Variants in RYR2 observed in about 807,000 individuals in gnomAD.
RYR2 encodes the protein ryanodine receptor 2, also known as cardiac muscle ryanodine receptor-calcium release channel.
In RYR2, 227 loss-of-function variants were observed where a neutral mutation model predicts 601.1. The observed-to-expected ratio is 0.38, with a 90% CI of 0.34 to 0.42. The LOEUF (loss-of-function observed/expected upper bound fraction) is 0.42. Among genes scored for constraint, RYR2 ranks in the 10% least tolerant of loss-of-function variants. The pLI is 1.00. For missense variants in RYR2, 4,646 were observed against 6,156.5 expected (o/e 0.75, Z 8.21); for synonymous variants, 2,223 against 2,175.1 (o/e 1.02, Z -0.61).
chr1:237,610,354 G>A lies in RYR2; in HGVS notation c.4684-408G>A, dbSNP rs1214199279. Among the ~76,000 whole-genome samples the A allele has an allele frequency of 1.3e-5, 2 of 152,306 alleles. No homozygotes were observed. Among genetic ancestry groups the A allele is most frequent in the East Asian group, 3.9e-4 (2 of 5,182 alleles). On this transcript the variant is annotated intron_variant, in intron 35 of 104. Transcript: ENST00000366574. The surrounding 1 kb of genome is among the most constrained non-coding windows in gnomAD (Gnocchi z 4.9). ...TTGGGTGACAGAGAACAGATATTGA[G>A]AGAGAGAGCCAGGGGGATGTGACAT...
chr1:237,726,150 G>A (rs1169809774), intron 74 of RYR2, 123 bp from the exon 75 acceptor site: 25 of 702,526 alleles, frequency 3.6e-5, no homozygotes, highest in African/African-American at 1.7e-4. Flanking sequence ...CTAAACCACC[G>A]CAGTCCAAAC....
intron 1 of RYR2, among the ~76,000 whole-genome samples, chr1:237,234,258 AG>A (rs1685311312): frequency 6.6e-6 from 1 of 152,162 alleles, no homozygotes; most frequent in Non-Finnish European, 1.5e-5. Context: ...TTAGATAACA[AG>A]GTCATGGAAT....
intron 1 of RYR2, among the ~76,000 whole-genome samples, chr1:237,088,727 A>C (rs765504435): frequency 6.6e-6 from 1 of 152,194 alleles, no homozygotes; most frequent in Non-Finnish European, 1.5e-5. Flanking sequence ...TTTTCTACCT[A>C]CAAAATACAT....
chr1:237,701,877 T>C (rs1374877016), intron 65 of RYR2, 101 bp from the exon 66 acceptor site: 1 of 609,538 alleles, frequency 1.6e-6, no homozygotes. Context: ...TATGGATGAA[T>C]AGTATATAGC....
intron 75 of RYR2, among the ~76,000 whole-genome samples, chr1:237,726,856 A>T (rs917501603): frequency 6.6e-6 from 1 of 152,072 alleles, no homozygotes; most frequent in Non-Finnish European, 1.5e-5. Flanking sequence ...TTACTAAGGG[A>T]ATTATATAGC....
At chr1:237,358,495 T>C (rs1269700915) in intron 4 of RYR2, among the ~76,000 whole-genome samples, 1 of 151,936 alleles carries the variant, frequency 6.6e-6, no homozygotes, top group East Asian at 1.9e-4. Flanking sequence ...ATGCTGACTT[T>C]CTCTGTGGGC....
intron 44 of RYR2, among the ~76,000 whole-genome samples, chr1:237,637,476 A>G (rs1680992271): frequency 6.6e-6 from 1 of 152,220 alleles, no homozygotes; most frequent in African/African-American, 2.4e-5. Context: ...CATCTTATCA[A>G]AAATTTCCTG....
intron 58 of RYR2, among the ~76,000 whole-genome samples, chr1:237,673,105 G>A (rs1054285406): frequency 6.6e-6 from 1 of 152,172 alleles, no homozygotes; most frequent in Non-Finnish European, 1.5e-5. Flanking sequence ...ATAGGGTTAT[G>A]TTGTTACAAT....
chr1:237,409,631 C>T (rs1295257324), intron 10 of RYR2, among the ~76,000 whole-genome samples: 7 of 151,986 alleles, frequency 4.6e-5, no homozygotes, highest in Admixed American at 4.6e-4. Flanking sequence ...GAAATAACTA[C>T]TGATTTTTGA....
In RYR2 at chr1:237,638,353, G is replaced by T. The variant is rs568936247; in HGVS notation, c.6793-4G>T. On this transcript the variant is annotated splice_region_variant and splice_polypyrimidine_tract_variant and intron_variant, in intron 44 of 104. Coordinates refer to ENST00000366574, the MANE Select transcript of RYR2 (RefSeq NM_001035.3). ...TAACTCTTTGTTAATCATGTTGTTT[G>T]CAGGTAGTTCGTTATTTGGCTGGTT... 10 of 1,613,720 alleles carry T rather than the reference G, an allele frequency of 6.2e-6. No homozygotes were observed. Among genetic ancestry groups the T allele is most frequent in the East Asian group, 2.2e-5 (1 of 44,862 alleles).
chr1:237,211,151 G>A (rs1310526392), intron 1 of RYR2, among the ~76,000 whole-genome samples: 2 of 152,176 alleles, frequency 1.3e-5, no homozygotes, highest in African/African-American at 4.8e-5. Flanking sequence ...TCTTTGGTGA[G>A]ATAGGGCACA....
In RYR2 at chr1:237,491,418, T is replaced by C. The variant is rs561228080; in HGVS notation, c.1709-388T>C. Among the ~76,000 whole-genome samples, 5 of 152,264 alleles carry C rather than the reference T, an allele frequency of 3.3e-5. No individual in the cohort carries two copies. The South Asian group carries it at 8.3e-4, about 25-fold the overall frequency. ...CTCTGTACATGAGGCACACCAGATA[T>C]GCCCCACGTTCAAGACTTTACTCAT... is the stretch of plus-strand genomic sequence containing the variant. On this transcript the variant is annotated intron_variant, in intron 17 of 104. Coordinates refer to ENST00000366574, the MANE Select transcript of RYR2 (RefSeq NM_001035.3).
intron 2 of RYR2, among the ~76,000 whole-genome samples, chr1:237,282,638 T>C (rs1177816138): frequency 6.6e-6 from 1 of 152,226 alleles, no homozygotes; most frequent in African/African-American, 2.4e-5. Flanking sequence ...AGAATACTTA[T>C]GTCAGGAGCT....
intron 40 of RYR2, 47 bp from the exon 41 acceptor site, chr1:237,627,760 G>A: frequency 6.6e-7 from 1 of 1,506,610 alleles, no homozygotes; most frequent in Non-Finnish European, 8.9e-7. Context: ...CAACTGATTT[G>A]TCTTCTCTTA....
intron 8 of RYR2, among the ~76,000 whole-genome samples, chr1:237,380,915 TA>T (rs1701455777): frequency 6.6e-6 from 1 of 151,822 alleles, no homozygotes; most frequent in African/African-American, 2.4e-5. Context: ...CCGTCTCTAC[TA>T]AAAATACAAA....
chr1:237,539,804 T>C (rs2805450), intron 25 of RYR2, among the ~76,000 whole-genome samples: 52,039 of 152,034 alleles, frequency 0.34, 9,517 homozygotes, highest in East Asian at 0.48. Context: ...CGTTTACCTA[T>C]GTAACCTGCA....
intron 12 of RYR2, among the ~76,000 whole-genome samples, chr1:237,423,846 A>G (rs1175261839): frequency 6.6e-6 from 1 of 152,188 alleles, no homozygotes; most frequent in African/African-American, 2.4e-5. Flanking sequence ...CTATAAAGAA[A>G]TACCTGAGAC....
chr1:237,707,022 C>A lies in RYR2; in HGVS notation c.9654C>A (p.Ile3218=), dbSNP rs1472161324. 1.2e-6 allele frequency: 2 copies of A among 1,613,736 alleles called. No individual in the cohort carries two copies. Among genetic ancestry groups the A allele is most frequent in the Non-Finnish European group, 1.7e-6 (2 of 1,179,790 alleles). Residue 3218 remains isoleucine (I), a synonymous_variant, in exon 68 of 105, where the codon ATC becomes ATA. Transcript: ENST00000366574. ...CTTTGGAGAAACTCATGGAAGAAAT[C>A]GTGGAATTAGCCGAGTCCGGCATTC... is the stretch of plus-strand genomic sequence containing the variant. The part of the protein sequence containing the change: ...IPSLEKLMEE[I]VELAESGIRY...
chr1:237,505,595 T>C (rs1217107067), intron 22 of RYR2, among the ~76,000 whole-genome samples: 1 of 152,184 alleles, frequency 6.6e-6, no homozygotes, highest in African/African-American at 2.4e-5. Context: ...AACCTAAGTT[T>C]ATAGGAAAAA....
Sources: gnomAD v4.1 joint callset for allele counts (sites outside exome capture counted in the v4.1 genomes callset) on GRCh38, gnomAD v4.1.1 for gene constraint, Gnocchi (gnomAD v3.1) non-coding constraint, MANE v1.5 for transcripts, NCBI Gene and HGNC (gene_info 2026-07-23, HGNC 2026-07-21) for gene names.